The following SOX5 variants were observed in gnomAD, a reference collection of about 807,000 sequenced individuals.
The protein encoded by SOX5 is SRY-box transcription factor 5.
A neutral mutation model predicts 92.0 loss-of-function variants in SOX5; 9 were observed. The observed-to-expected ratio is 0.10, with a 90% CI of 0.06 to 0.17. SOX5 has a LOEUF of 0.17. Among genes scored for constraint, SOX5 ranks in the 10% least tolerant of loss-of-function variants. SOX5 has a pLI of 1.00. For synonymous variants in SOX5, 344 were observed against 336.3 expected, an observed-to-expected ratio of 1.02 and a Z score of -0.25; for missense variants, 642 against 944.5, an observed-to-expected ratio of 0.68 and a Z score of 4.20.
intron 7 of SOX5, among the ~76,000 whole-genome samples, chr12:23,646,844 A>G (rs987067796): frequency 6.6e-6 from 1 of 152,154 alleles, no homozygotes; most frequent in Non-Finnish European, 1.5e-5. Flanking sequence ...TTTCCACCAC[A>G]TCTGCAATTA....
intron 2 of SOX5, among the ~76,000 whole-genome samples, chr12:24,310,411 A>G (rs1456384342): frequency 6.6e-6 from 1 of 152,230 alleles, no homozygotes; most frequent in South Asian, 2.1e-4. Flanking sequence ...ATACCTTTAC[A>G]TTATAAATAT....
intron 10 of SOX5, among the ~76,000 whole-genome samples, chr12:23,574,584 T>A (rs566676490): frequency 2.2e-4 from 34 of 152,240 alleles, no homozygotes; most frequent in Non-Finnish European, 4.4e-4. Flanking sequence ...ATTGTTTATT[T>A]GTATCTCATG....
intron 1 of SOX5, among the ~76,000 whole-genome samples, chr12:24,390,440 T>C (rs1958879038): frequency 6.6e-6 from 1 of 152,140 alleles, no homozygotes; most frequent in Admixed American, 6.5e-5. Flanking sequence ...ATGTATAATG[T>C]TTTTATAGAT....
At chr12:24,504,658 A>C (rs1443928947) in intron 1 of SOX5, among the ~76,000 whole-genome samples, 1 of 152,242 alleles carries the variant, frequency 6.6e-6, no homozygotes, top group African/African-American at 2.4e-5. Context: ...AATTGTATAG[A>C]TAAACATTCA....
At chr12:24,473,271 C>G (rs1944995606) in intron 1 of SOX5, among the ~76,000 whole-genome samples, 1 of 152,070 alleles carries the variant, frequency 6.6e-6, no homozygotes, top group Non-Finnish European at 1.5e-5. Flanking sequence ...AAAAAAAGCT[C>G]TCATATGTAG....
At chr12:24,532,378 G>A (rs1951275060) in intron 1 of SOX5, among the ~76,000 whole-genome samples, 1 of 152,060 alleles carries the variant, frequency 6.6e-6, no homozygotes, top group Non-Finnish European at 1.5e-5. Context: ...AACTACGTGG[G>A]GGTCACTGAA....
chr12:23,682,644 T>G (rs2086809080), intron 6 of SOX5, among the ~76,000 whole-genome samples: 2 of 151,886 alleles, frequency 1.3e-5, no homozygotes, highest in East Asian at 3.9e-4. Context: ...TTTAAAAAAA[T>G]TAACATCACA....
chr12:23,943,654 T>C (rs1421477363), intron 1 of SOX5, among the ~76,000 whole-genome samples: 1 of 152,048 alleles, frequency 6.6e-6, no homozygotes, highest in African/African-American at 2.4e-5. Flanking sequence ...AAGACAAAAG[T>C]AAATGTATTA....
chr12:23,984,076 A>G (rs936295000), intron 4 of SOX5, among the ~76,000 whole-genome samples: 5 of 152,116 alleles, frequency 3.3e-5, no homozygotes, highest in African/African-American at 1.2e-4. Flanking sequence ...ATTTCTCTCA[A>G]TACTTCATTC....
chr12:24,066,153 A>C (rs1248518862), intron 4 of SOX5, among the ~76,000 whole-genome samples: 1 of 152,230 alleles, frequency 6.6e-6, no homozygotes, highest in Non-Finnish European at 1.5e-5. Flanking sequence ...TGAACCAACT[A>C]TATATAAATT....
intron 1 of SOX5, among the ~76,000 whole-genome samples, chr12:24,412,694 C>T (rs181339155): frequency 4.6e-5 from 7 of 151,708 alleles, no homozygotes; most frequent in Admixed American, 2.0e-4. Flanking sequence ...GTTTCCTGGC[C>T]CAGGATATGA....
At chr12:23,877,893 A>G (rs1047686476) in intron 2 of SOX5, among the ~76,000 whole-genome samples, 1 of 152,000 alleles carries the variant, frequency 6.6e-6, no homozygotes, top group Non-Finnish European at 1.5e-5. Flanking sequence ...ATTTATTAGT[A>G]TATAAAAAAG....
chr12:24,049,360 T>G (rs1167391532), intron 4 of SOX5, among the ~76,000 whole-genome samples: 6 of 152,224 alleles, frequency 3.9e-5, no homozygotes, highest in Non-Finnish European at 8.8e-5. Flanking sequence ...CTAAACCACT[T>G]GTTTGACATT....
At chr12:24,137,977 A>C (rs1950254466) in intron 4 of SOX5, among the ~76,000 whole-genome samples, 1 of 152,236 alleles carries the variant, frequency 6.6e-6, no homozygotes, top group African/African-American at 2.4e-5. Context: ...TAAAGTAAAG[A>C]ATCCGGTAGC....
chr12:24,336,217 C>T (rs888785958), intron 2 of SOX5, among the ~76,000 whole-genome samples: 16 of 151,608 alleles, frequency 1.1e-4, no homozygotes, highest in Non-Finnish European at 2.2e-4. Flanking sequence ...GCCTCAGCCC[C>T]CTGAGTAGCT....
intron 1 of SOX5, among the ~76,000 whole-genome samples, chr12:23,915,987 T>C (rs2097411270): frequency 6.6e-6 from 1 of 152,164 alleles, no homozygotes; most frequent in Non-Finnish European, 1.5e-5. Flanking sequence ...AAGTTTGGCT[T>C]AGATTGATAC....
rs768200919 is a variant in SOX5, at chr12:23,846,152, G to A, written c.312C>T (p.His104=). Residue 104 remains histidine (H), a synonymous_variant, in exon 3 of 15, where the codon CAC becomes CAT. Coordinates refer to ENST00000451604, the MANE Select transcript of SOX5 (RefSeq NM_006940.6). ...GNKVMSSFAP[H]NSSTSPQKAE... Reference sequence around the variant, plus strand: ...CCTTCTGAGGTGAGGTAGATGAGTTGTGTGGGGCAAATGAAGACATAACTT... The same window carrying A: ...CCTTCTGAGGTGAGGTAGATGAGTTATGTGGGGCAAATGAAGACATAACTT... 6.2e-7 allele frequency: 1 copy of A among 1,614,094 alleles called. No individual in the cohort carries two copies. Among genetic ancestry groups the A allele is most frequent in the Non-Finnish European group, 8.5e-7 (1 of 1,179,980 alleles).
chr12:23,762,449 A>G (rs1324278184), intron 3 of SOX5: 8 of 405,402 alleles, frequency 2.0e-5, no homozygotes, highest in Non-Finnish European at 8.7e-6. Flanking sequence ...AACAAACAAT[A>G]GAAACACACA....
chr12:23,974,024 T>C (rs1202395387), intron 4 of SOX5, among the ~76,000 whole-genome samples: 4 of 151,984 alleles, frequency 2.6e-5, no homozygotes, highest in African/African-American at 9.7e-5. Flanking sequence ...CTGTATATGC[T>C]GTTTTTTTTC....
Sources: gnomAD v4.1 joint callset for allele counts (sites outside exome capture counted in the v4.1 genomes callset) on GRCh38, gnomAD v4.1.1 for gene constraint, MANE v1.5 for transcripts, NCBI Gene and HGNC (gene_info 2026-07-23, HGNC 2026-07-21) for gene names.